Variants in ANP32B observed in about 807,000 individuals in gnomAD.
The protein encoded by ANP32B is acidic leucine-rich nuclear phosphoprotein 32 family member B.
A neutral mutation model predicts 32.2 loss-of-function variants in ANP32B; 6 were observed. That is an observed-to-expected ratio of 0.19 (90% CI 0.10 to 0.37). ANP32B has a LOEUF of 0.37. Ranked by LOEUF, ANP32B falls within the 10% of genes least tolerant of loss-of-function variation. The pLI, the probability that ANP32B is intolerant of heterozygous loss-of-function variation, is 1.00. For missense variants in ANP32B, 204 were observed against 289.2 expected (o/e 0.71, Z 2.14); for synonymous variants, 98 against 105.8 (o/e 0.93, Z 0.45).
intron 3 of ANP32B, among the ~76,000 whole-genome samples, chr9:98,002,973 TTG>T (rs1828019529): frequency 1.3e-5 from 2 of 152,126 alleles, no homozygotes; most frequent in Non-Finnish European, 2.9e-5. Flanking sequence ...GAGTCAGCCT[TTG>T]TGAAGAGAAA....
chr9:98,010,087 G>A (rs1828154292), intron 4 of ANP32B, among the ~76,000 whole-genome samples: 1 of 152,046 alleles, frequency 6.6e-6, no homozygotes, highest in Admixed American at 6.6e-5. Flanking sequence ...ATGTGCAAGA[G>A]CCAGTAAAGG....
intron 6 of ANP32B, among the ~76,000 whole-genome samples, chr9:98,012,714 T>A (rs1828207508): frequency 6.6e-6 from 1 of 152,136 alleles, no homozygotes. Flanking sequence ...CTCATGGGGT[T>A]TTTTTCGGGG....
At chr9:98,002,347 C>T (rs1828007717) in intron 3 of ANP32B, 1 of 152,148 alleles carries the variant, frequency 6.6e-6, no homozygotes, top group Non-Finnish European at 1.5e-5. Context: ...AGACCTGGGC[C>T]ATCCAAACCA....
At chr9:97,988,845 T>C (rs1476942616) in intron 1 of ANP32B, among the ~76,000 whole-genome samples, 1 of 152,238 alleles carries the variant, frequency 6.6e-6, no homozygotes, top group Admixed American at 6.5e-5. Context: ...ATGGCAGGAA[T>C]TACTTTCTAT....
chr9:98,007,002 CA>C (rs1176158457), intron 4 of ANP32B, among the ~76,000 whole-genome samples: 7 of 147,762 alleles, frequency 4.7e-5, no homozygotes, highest in South Asian at 4.3e-4. Context: ...AACAAACAAA[CA>C]AAAAAAAAAC....
In ANP32B at chr9:98,011,312, G is replaced by C; in HGVS notation, c.559G>C (p.Glu187Gln). 1 of 1,549,546 alleles carries C rather than the reference G, an allele frequency of 6.5e-7. No individual in the cohort carries two copies. Among genetic ancestry groups the C allele is most frequent in the Non-Finnish European group, 8.7e-7 (1 of 1,143,976 alleles). The change falls in exon 5 of 7, where the codon GAA (glutamate) becomes CAA (glutamine). Residue 187 changes from glutamate to glutamine, a missense_variant. Coordinates refer to ENST00000339399, the MANE Select transcript of ANP32B (RefSeq NM_006401.3). The stretch of plus-strand genomic sequence containing the variant: ...AGACGAGGACGATGAGGATGGTGAA[G>C]AAGAGGAGTTTGATGAAGAAGATGA... ...EEDEDDEDGE[E>Q]EEFDEEDDED... is the part of the protein sequence containing the mutation.
chr9:97,992,225 G>A (rs547986535), intron 1 of ANP32B, among the ~76,000 whole-genome samples: 34 of 152,184 alleles, frequency 2.2e-4, no homozygotes, highest in South Asian at 6.2e-4. Context: ...AAGTTGCTGG[G>A]ATTACAGGCA....
chr9:97,986,499 G>A (rs1827737100), intron 1 of ANP32B: 4 of 152,218 alleles, frequency 2.6e-5, no homozygotes, highest in Admixed American at 2.6e-4. Flanking sequence ...TAAAAGTGAA[G>A]GGTTTTTCAG....
rs1181016069 is a variant in ANP32B, at chr9:98,015,851, A to AT, written c.*422dup. 1 of 961,540 alleles carries AT rather than the reference A, an allele frequency of 1.0e-6. No individual in the cohort carries two copies. The highest frequency in any genetic ancestry group is 1.9e-5 in the African/African-American group (1 of 53,024). The allele number at this position is 961,540 out of a possible 1,614,324, so 59.6% of individuals were successfully genotyped here. A position where few individuals can be genotyped will look rare whatever the true frequency, so the allele number is the denominator to read the frequency against. On this transcript the variant is annotated 3_prime_UTR_variant, in exon 7 of 7. Coordinates refer to ENST00000339399, the MANE Select transcript of ANP32B (RefSeq NM_006401.3). The stretch of plus-strand genomic sequence containing the variant: ...CATGCTTTGCTTTTTAATTATTATT[A>AT]TTATTTTTTTTACATTAGGACATTT...
intron 1 of ANP32B, among the ~76,000 whole-genome samples, chr9:97,984,323 A>G (rs1419362024): frequency 2.0e-5 from 3 of 151,062 alleles, no homozygotes; most frequent in Non-Finnish European, 3.0e-5. Flanking sequence ...GGTTCCCGCC[A>G]TTTTTCAAGC....
chr9:98,008,310 T>G (rs1284043147), intron 4 of ANP32B, among the ~76,000 whole-genome samples: 1 of 152,238 alleles, frequency 6.6e-6, no homozygotes, highest in Admixed American at 6.5e-5. Context: ...AGCCAGGGCC[T>G]TCTTTCTCAC....
At chr9:97,983,918 G>C (rs918090973) in intron 1 of ANP32B, among the ~76,000 whole-genome samples, 16 of 152,032 alleles carry the variant, frequency 1.1e-4, no homozygotes, top group African/African-American at 3.9e-4. Context: ...CGGCGAGAGA[G>C]GGAGGCGGGG....
rs1384624518 is a variant in ANP32B at position 98,001,900 on chromosome 9, G to GTTTTATATTGA, written c.328-3063_328-3053dup. Among the ~76,000 whole-genome samples, 6 of 152,038 alleles carry GTTTTATATTGA rather than the reference G, an allele frequency of 3.9e-5. 1 individual carries two copies. Among genetic ancestry groups the GTTTTATATTGA allele is most frequent in the Admixed American group, 3.9e-4 (6 of 15,270 alleles). ...AGTGGATAGAAATAGCATGGCCCTT[G>GTTTTATATTGA]TTTTATATTGAGGAAGCTAAGGCTT... On this transcript the variant is annotated intron_variant, in intron 3 of 6. Coordinates refer to ENST00000339399, the MANE Select transcript of ANP32B (RefSeq NM_006401.3).
At chr9:98,002,666 A>G (rs1188750342) in intron 3 of ANP32B, among the ~76,000 whole-genome samples, 2 of 152,128 alleles carry the variant, frequency 1.3e-5, no homozygotes, top group African/African-American at 4.8e-5. Context: ...TGGCATGTCC[A>G]AATTGTTTGA....
intron 3 of ANP32B, among the ~76,000 whole-genome samples, chr9:98,001,996 A>G (rs1018770440): frequency 1.3e-5 from 2 of 152,122 alleles, no homozygotes; most frequent in African/African-American, 2.4e-5. Flanking sequence ...CACCAGAGCT[A>G]TTTCGAAAAG....
At chr9:98,014,941 C>T (rs1291929273) in intron 6 of ANP32B, among the ~76,000 whole-genome samples, 2 of 152,226 alleles carry the variant, frequency 1.3e-5, no homozygotes, top group South Asian at 2.1e-4. Context: ...TTAGTAGAGA[C>T]GGAGTTTCAC....
intron 1 of ANP32B, among the ~76,000 whole-genome samples, chr9:97,991,199 TG>T (rs917636907): frequency 2.0e-5 from 3 of 151,884 alleles, no homozygotes; most frequent in African/African-American, 7.3e-5. Flanking sequence ...CACTGCAACC[TG>T]GACCTCCTGG....
chr9:98,011,410 C>G lies in ANP32B; in HGVS notation c.636+21C>G, dbSNP rs372349170. ...AGGAGGTCAGTGCAGCTGTTTTCTA[C>G]CCTGCTTCCTATTTGTAATTACAAC... On this transcript the variant is annotated intron_variant, in intron 5 of 6. Coordinates refer to ENST00000339399, the MANE Select transcript of ANP32B (RefSeq NM_006401.3). 6 of 1,573,870 alleles carry G rather than the reference C, an allele frequency of 3.8e-6. No individual in the cohort carries two copies. In the African/African-American group the frequency reaches 8.2e-5, roughly 21 times the overall value.
At chr9:97,985,143 C>A (rs867964969) in intron 1 of ANP32B, among the ~76,000 whole-genome samples, 2 of 151,486 alleles carry the variant, frequency 1.3e-5, no homozygotes, top group South Asian at 4.1e-4. Context: ...GGCTTTCCCG[C>A]GGAGGGCGGC....
Sources: allele counts gnomAD v4.1 joint callset (sites outside exome capture counted in the v4.1 genomes callset), GRCh38; gene constraint gnomAD v4.1.1; transcripts MANE v1.5; gene names NCBI Gene and HGNC (gene_info 2026-07-23, HGNC 2026-07-21).